Variants in ZC3H6 observed in about 807,000 individuals in gnomAD.
ZC3H6 encodes zinc finger CCCH-type containing 6.
Under a neutral mutation model 107.7 loss-of-function variants are expected in ZC3H6, and 40 were observed. That is an observed-to-expected ratio of 0.37 (90% CI 0.29 to 0.48). The LOEUF (loss-of-function observed/expected upper bound fraction) is 0.48, where lower values mean the gene tolerates loss of function less well. Ranked by LOEUF, ZC3H6 falls within the 20% of genes least tolerant of loss-of-function variation. The pLI is 0.98. For missense variants in ZC3H6, 1,267 were observed against 1,410.4 expected (o/e 0.90, Z 1.63); for synonymous variants, 493 against 487.9 (o/e 1.01, Z -0.14).
In ZC3H6 at chr2:112,331,679, C is replaced by G; in HGVS notation, c.2761C>G (p.Leu921Val). 6.2e-7 allele frequency: 1 copy of G among 1,613,882 alleles called. No individual in the cohort carries two copies. Among genetic ancestry groups the G allele is most frequent in the Non-Finnish European group, 8.5e-7 (1 of 1,179,864 alleles). ...LNRLWNTKSD[L>V]HQNTVSIDPK... is the part of the protein sequence containing the mutation. ...TAGATTATGGAATACAAAAAGTGAT[C>G]TTCATCAAAATACAGTGTCCATTGA... Residue 921 changes from leucine to valine, a missense_variant, in exon 12 of 12, where the codon CTT becomes GTT. Transcript: ENST00000409871.
chr2:112,279,977 C>G (rs1395967176), intron 1 of ZC3H6, among the ~76,000 whole-genome samples: 1 of 152,166 alleles, frequency 6.6e-6, no homozygotes, highest in Non-Finnish European at 1.5e-5. Flanking sequence ...TTGTAATGTG[C>G]TACATTTGAG....
intron 1 of ZC3H6, among the ~76,000 whole-genome samples, chr2:112,299,592 G>T (rs2104705094): frequency 1.3e-5 from 2 of 152,240 alleles, no homozygotes; most frequent in South Asian, 4.2e-4. Context: ...AATCTAAGAG[G>T]TTTGCAAACT....
Position 112,333,773 on chromosome 2 carries a change from A to G in ZC3H6, c.*1285A>G, listed in dbSNP as rs1254858989. The G allele has an allele frequency of 6.6e-6, 1 of 152,138 alleles. No individual in the cohort carries two copies. Among genetic ancestry groups the G allele is most frequent in the East Asian group, 1.9e-4 (1 of 5,202 alleles). The allele number at this position is 152,138 out of a possible 1,614,324, so 9.4% of individuals were successfully genotyped here. On this transcript the variant is annotated 3_prime_UTR_variant, in exon 12 of 12. Coordinates refer to ENST00000409871, the MANE Select transcript of ZC3H6 (RefSeq NM_198581.3). ...CTGGTAACAACTCCAATGTGTATTA[A>G]TAACTTGAAAAGGAGCATTTCACTA...
rs546952526 is a variant in ZC3H6, at chr2:112,325,225, T to TA, written c.2086+29dup. ...GTGTCAGAAGTTATTAATAGCATCT[T>TA]ACCTATTTGGATGGGTTAAAATTTT... On this transcript the variant is annotated intron_variant, in intron 11 of 11. Coordinates refer to ENST00000409871, the MANE Select transcript of ZC3H6 (RefSeq NM_198581.3). The TA allele has an allele frequency of 7.8e-3, 12,502 of 1,605,240 alleles. 70 individuals are homozygous for TA. Among genetic ancestry groups the TA allele is most frequent in the Non-Finnish European group, 9.3e-3 (10,960 of 1,173,076 alleles).
intron 3 of ZC3H6, 78 bp from the exon 4 acceptor site, chr2:112,309,807 G>GA: frequency 1.4e-6 from 2 of 1,406,876 alleles, no homozygotes; most frequent in Non-Finnish European, 1.9e-6. Flanking sequence ...TTGCTGGGGG[G>GA]AAAAGGATGT....
At position 112,321,816 on chromosome 2, in the gene ZC3H6, A is replaced by C. The variant is rs2104720346; in HGVS notation, c.1037A>C (p.Lys346Thr). The C allele has an allele frequency of 1.3e-6, 2 of 1,550,484 alleles. No individual in the cohort carries two copies. The highest frequency in any genetic ancestry group is 1.7e-6 in the Non-Finnish European group (2 of 1,147,076). The change falls in exon 8 of 12, where the codon AAA becomes ACA. Residue 346 changes from lysine to threonine, a missense_variant. Transcript: ENST00000409871. ...AAATGTTACCAGGGAGACAACTGTAAATTTTCCCATGATGATCTAACTAAA... is the reference window on the plus strand; with the variant it reads ...AAATGTTACCAGGGAGACAACTGTACATTTTCCCATGATGATCTAACTAAA... The part of the protein sequence containing the change: ...GAKCYQGDNC[K>T]FSHDDLTKET...
At chr2:112,294,180 G>A (rs908850918) in intron 1 of ZC3H6, among the ~76,000 whole-genome samples, 6 of 152,224 alleles carry the variant, frequency 3.9e-5, no homozygotes, top group Non-Finnish European at 7.3e-5. Flanking sequence ...GCTTAGGTCA[G>A]CCTATCGTTG....
At position 112,326,913 on chromosome 2, in the gene ZC3H6, A is replaced by G. The variant is rs191083375; in HGVS notation, c.2086+1716A>G. ...CAGGTGTGCGCCACCGTGCCTGGCC[A>G]TTGTCTGTTGGTGGACACTTAGGTT... On this transcript the variant is annotated intron_variant, in intron 11 of 11. Coordinates refer to ENST00000409871, the MANE Select transcript of ZC3H6 (RefSeq NM_198581.3). Among the ~76,000 whole-genome samples, 8 of 152,100 alleles carry G rather than the reference A, an allele frequency of 5.3e-5. No homozygotes were observed. The East Asian group carries it at 1.5e-3, about 29-fold the overall frequency.
At chr2:112,309,493 G>A (rs966010073) in intron 3 of ZC3H6, among the ~76,000 whole-genome samples, 5 of 152,088 alleles carry the variant, frequency 3.3e-5, no homozygotes, top group African/African-American at 1.2e-4. Flanking sequence ...AGTGTTAGGA[G>A]AAATAGTATG....
chr2:112,278,288 G>A (rs2104689070), intron 1 of ZC3H6, among the ~76,000 whole-genome samples: 2 of 152,266 alleles, frequency 1.3e-5, no homozygotes, highest in Middle Eastern at 3.4e-3. Context: ...TTGGTATATG[G>A]AGCTAGGCTT....
chr2:112,324,733 A>T, intron 10 of ZC3H6, 70 bp downstream of exon 10: 1 of 1,389,292 alleles, frequency 7.2e-7, no homozygotes, highest in Non-Finnish European at 9.6e-7. Context: ...TAAAAGCATG[A>T]CAGAAACGTA....
In ZC3H6 at chr2:112,339,473, G is replaced by A. The variant is rs1049388398; in HGVS notation, c.*6985G>A. 1 of 152,134 alleles carries A rather than the reference G, an allele frequency of 6.6e-6. No individual in the cohort carries two copies. Among genetic ancestry groups the A allele is most frequent in the Non-Finnish European group, 1.5e-5 (1 of 68,028 alleles). The allele number at this position is 152,134 out of a possible 1,614,324, so 9.4% of individuals were successfully genotyped here. On this transcript the variant is annotated 3_prime_UTR_variant, in exon 12 of 12. Transcript: ENST00000409871. ...CACTGCCCCATCCACCCAGAATTCA[G>A]AAAGGGTTTGGCATAGATCCAGGGC...
chr2:112,295,494 G>T (rs983544457), intron 1 of ZC3H6, among the ~76,000 whole-genome samples: 2 of 152,106 alleles, frequency 1.3e-5, no homozygotes, highest in African/African-American at 2.4e-5. Flanking sequence ...GTTCAATTAA[G>T]AAAGCTTTAT....
rs1424569607 is a variant in ZC3H6, at chr2:112,309,930, C to T, written c.382C>T (p.His128Tyr). 1 of 1,598,194 alleles carries T rather than the reference C, an allele frequency of 6.3e-7. No individual in the cohort carries two copies. The highest frequency in any genetic ancestry group is 2.3e-5 in the East Asian group (1 of 44,426). ...GSYITSKKGQ[H>Y]NKKFKSKEYD... ...CTACATAACATCAAAGAAGGGTCAA[C>T]ATAACAAAAAATTTAAAAGTAAAGA... Residue 128 changes from histidine (H) to tyrosine (Y), a missense_variant, in exon 4 of 12, where the codon CAT (histidine) becomes TAT (tyrosine). His to Tyr is a moderately conservative substitution (Grantham distance 83). This residue lies in a region of ZC3H6 where 337 missense variants were observed against 361.2 expected (regional missense o/e 0.93). Transcript: ENST00000409871.
chr2:112,290,862 C>G (rs1290436234), intron 1 of ZC3H6, among the ~76,000 whole-genome samples: 8 of 152,224 alleles, frequency 5.3e-5, no homozygotes, highest in African/African-American at 1.9e-4. Flanking sequence ...TTGGCATATG[C>G]TGTAAGCAAT....
Position 112,332,374 on chromosome 2 carries a change from G to C in ZC3H6, c.3456G>C (p.Arg1152Ser). Reference sequence around the variant, plus strand: ...AGTACAGTGATCCAAGGCAGGCAAGGCAGCCAGGACAGGGGAGCCCGACCC... The same window carrying C: ...AGTACAGTGATCCAAGGCAGGCAAGCCAGCCAGGACAGGGGAGCCCGACCC... ...RPQYSDPRQA[R>S]QPGQGSPTPD... Residue 1152 changes from arginine to serine, a missense_variant, in exon 12 of 12, where the codon AGG (arginine) becomes AGC (serine). Around this residue, in one of 3 missense-constraint regions of ZC3H6, gnomAD observed 925 missense variants for 1,025.7 expected, o/e 0.90. Coordinates refer to ENST00000409871, the MANE Select transcript of ZC3H6 (RefSeq NM_198581.3). The C allele has an allele frequency of 6.2e-7, 1 of 1,613,878 alleles. No homozygotes were observed. The highest frequency in any genetic ancestry group is 1.1e-5 in the South Asian group (1 of 91,086).
At chr2:112,305,503 TTATA>T (rs1343762992) in intron 3 of ZC3H6, among the ~76,000 whole-genome samples, 1 of 152,206 alleles carries the variant, frequency 6.6e-6, no homozygotes, top group Non-Finnish European at 1.5e-5. Flanking sequence ...ACGCTGACTA[TTATA>T]TATCCCTGTA....
chr2:112,277,145 T>C (rs1197746880), intron 1 of ZC3H6, among the ~76,000 whole-genome samples: 5 of 152,198 alleles, frequency 3.3e-5, no homozygotes, highest in African/African-American at 1.2e-4. Context: ...AAATGGTATT[T>C]CAACAACTTC....
rs775394959 is a variant in ZC3H6, at chr2:112,331,651, A to G, written c.2733A>G (p.Leu911=). The G allele has an allele frequency of 1.2e-6, 2 of 1,614,012 alleles. No homozygotes were observed. The highest frequency in any genetic ancestry group is 1.1e-5 in the South Asian group (1 of 91,084). Residue 911 remains leucine (L), a synonymous_variant, in exon 12 of 12, where the codon CTA becomes CTG. Transcript: ENST00000409871. ...CCCCACTTATAGCTGACCAGAGGCT[A>G]AATAGATTATGGAATACAAAAAGTG... is the stretch of plus-strand genomic sequence containing the variant. ...PLPPLIADQR[L]NRLWNTKSDL... is the part of the protein sequence containing the mutation.
Sources: allele counts gnomAD v4.1 joint callset (sites outside exome capture counted in the v4.1 genomes callset), GRCh38; gene constraint gnomAD v4.1.1; regional missense constraint gnomAD v4.1.1; transcripts MANE v1.5; gene names NCBI Gene and HGNC (gene_info 2026-07-23, HGNC 2026-07-21).